The following HIPK2 variants were observed in gnomAD, a reference collection of about 807,000 sequenced individuals.
The protein encoded by HIPK2 is homeodomain interacting protein kinase 2, also known as homeodomain-interacting protein kinase 2.
In HIPK2, 27 loss-of-function variants were observed where a neutral mutation model predicts 113.7. The ratio of observed to expected loss-of-function variants is 0.24; its 90% confidence interval spans 0.17 to 0.33. HIPK2 has a LOEUF of 0.33. HIPK2 is among the 10% of genes least tolerant of loss of function. HIPK2 has a pLI of 1.00. For missense variants in HIPK2, 1,257 were observed against 1,588.0 expected (o/e 0.79, Z 3.54); for synonymous variants, 631 against 642.2 (o/e 0.98, Z 0.26).
intron 2 of HIPK2, among the ~76,000 whole-genome samples, chr7:139,646,083 G>A (rs761195352): frequency 6.6e-6 from 1 of 152,164 alleles, no homozygotes; most frequent in African/African-American, 2.4e-5. Flanking sequence ...ATACTAAGCT[G>A]GCTCTTTACA....
chr7:139,764,487 C>A (rs778149020), intron 1 of HIPK2, among the ~76,000 whole-genome samples: 1 of 152,154 alleles, frequency 6.6e-6, no homozygotes, highest in Non-Finnish European at 1.5e-5. Flanking sequence ...CTGATGTGAA[C>A]TACTGGGTGA....
chr7:139,772,726 T>TA (rs1285486664), intron 1 of HIPK2, among the ~76,000 whole-genome samples: 1 of 151,336 alleles, frequency 6.6e-6, no homozygotes, highest in Non-Finnish European at 1.5e-5. Context: ...TAGCTGGGAT[T>TA]ACAGGCACCA....
chr7:139,595,048 C>T (rs1286317555), intron 12 of HIPK2, among the ~76,000 whole-genome samples: 1 of 152,232 alleles, frequency 6.6e-6, no homozygotes, highest in East Asian at 1.9e-4. Context: ...CTCTCATCCT[C>T]CTTCTCAGAC....
chr7:139,749,565 T>G (rs1409006676), intron 1 of HIPK2, among the ~76,000 whole-genome samples: 1 of 152,236 alleles, frequency 6.6e-6, no homozygotes, highest in South Asian at 2.1e-4. Flanking sequence ...TGGCCATCAC[T>G]GTGTTAACTA....
intron 9 of HIPK2, among the ~76,000 whole-genome samples, chr7:139,610,818 A>T (rs916435496): frequency 1.3e-5 from 2 of 152,200 alleles, no homozygotes; most frequent in African/African-American, 4.8e-5. Context: ...TGCCCAGATG[A>T]ACCAGGTATG....
At position 139,713,536 on chromosome 7, in the gene HIPK2, C is replaced by A. The variant is rs182627220; in HGVS notation, c.1103+2396G>T. ...TTAAGAATCCCCAATTCAGCTTACT[C>A]GATTCACCAAGTTTCGCTCTAAGGA... On this transcript the variant is annotated intron_variant, in intron 2 of 14. Transcript: ENST00000406875. Among the ~76,000 whole-genome samples, 10 of 152,296 alleles carry A rather than the reference C, an allele frequency of 6.6e-5. No individual in the cohort carries two copies. In the East Asian group the frequency reaches 1.9e-3, roughly 29 times the overall value.
chr7:139,673,728 C>T (rs978035954), intron 2 of HIPK2, among the ~76,000 whole-genome samples: 1 of 151,806 alleles, frequency 6.6e-6, no homozygotes, highest in African/African-American at 2.4e-5. Context: ...CAGAGCAAAG[C>T]CCATTCCTAA....
At chr7:139,700,777 T>C (rs1165088861) in intron 2 of HIPK2, among the ~76,000 whole-genome samples, 5 of 152,074 alleles carry the variant, frequency 3.3e-5, no homozygotes, top group South Asian at 4.1e-4. Flanking sequence ...TCAAACGGGG[T>C]GTGCCCAGAA....
chr7:139,666,367 C>T (rs539408295), intron 2 of HIPK2, among the ~76,000 whole-genome samples: 56 of 152,302 alleles, frequency 3.7e-4, no homozygotes, highest in Middle Eastern at 6.8e-3. Context: ...GCCTTCGCCA[C>T]GAAAGCACAG....
At chr7:139,579,181 G>A (rs1430974756) in intron 13 of HIPK2, among the ~76,000 whole-genome samples, 1 of 152,232 alleles carries the variant, frequency 6.6e-6, no homozygotes, top group Non-Finnish European at 1.5e-5. Flanking sequence ...GTCCACATTT[G>A]AGGAAGGTGC....
At chr7:139,741,710 G>C (rs570858531) in intron 1 of HIPK2, among the ~76,000 whole-genome samples, 6 of 151,934 alleles carry the variant, frequency 3.9e-5, no homozygotes, top group Admixed American at 1.3e-4. Context: ...AATTTTCACA[G>C]GTAACTCCTC....
intron 13 of HIPK2, among the ~76,000 whole-genome samples, chr7:139,583,323 A>T (rs1281227945): frequency 1.3e-5 from 2 of 152,196 alleles, no homozygotes; most frequent in Non-Finnish European, 1.5e-5. Flanking sequence ...GCAGAGAAAC[A>T]CACATGGCTT....
chr7:139,586,718 C>T (rs1423022516), intron 12 of HIPK2, among the ~76,000 whole-genome samples: 5 of 151,736 alleles, frequency 3.3e-5, no homozygotes, highest in African/African-American at 1.2e-4. Flanking sequence ...ATGATCACAC[C>T]ACTGCACTCC....
Position 139,716,644 on chromosome 7 carries a change from G to A in HIPK2, c.391C>T (p.Leu131Phe). 3 of 1,613,974 alleles carry A rather than the reference G, an allele frequency of 1.9e-6. No individual in the cohort carries two copies. The highest frequency in any genetic ancestry group is 2.5e-6 in the Non-Finnish European group (3 of 1,179,888). The change falls in exon 2 of 15, where the codon CTC (leucine) becomes TTC (phenylalanine). Residue 131 changes from leucine (L) to phenylalanine (F), a missense_variant. By Grantham distance (22) the Leu-to-Phe change is conservative (BLOSUM62 0). Around this residue, in one of 5 missense-constraint regions of HIPK2, gnomAD observed 209 missense variants for 237.8 expected, o/e 0.88. Transcript: ENST00000406875. This position sits in a 1 kb window ranked among gnomAD's most constrained non-coding sequence, Gnocchi z 9.3. ...TCGATCTCCTCGCTCTTACGCTTGAGTCCACATTTTTGGTAGGTATCAAGG... is the reference window on the plus strand; with the variant it reads ...TCGATCTCCTCGCTCTTACGCTTGAATCCACATTTTTGGTAGGTATCAAGG... ...SLLDTYQKCG[L>F]KRKSEEIENT... is the part of the protein sequence containing the mutation.
At chr7:139,718,824 C>G (rs1009670505) in intron 1 of HIPK2, among the ~76,000 whole-genome samples, 1 of 152,252 alleles carries the variant, frequency 6.6e-6, no homozygotes, top group Non-Finnish European at 1.5e-5. Context: ...CGCATTCCCC[C>G]CTCTTAATTC....
At chr7:139,660,086 A>G (rs1437451727) in intron 2 of HIPK2, among the ~76,000 whole-genome samples, 1 of 152,244 alleles carries the variant, frequency 6.6e-6, no homozygotes, top group Admixed American at 6.5e-5. Flanking sequence ...ACTGGCTGGC[A>G]ATACACACTT....
intron 7 of HIPK2, among the ~76,000 whole-genome samples, chr7:139,616,073 C>A (rs944775364): frequency 1.3e-5 from 2 of 152,156 alleles, no homozygotes; most frequent in Non-Finnish European, 1.5e-5. Context: ...AGACTCCCCC[C>A]AGCCCTTAGC....
intron 7 of HIPK2, among the ~76,000 whole-genome samples, chr7:139,615,179 G>C (rs745483401): frequency 2.0e-5 from 3 of 152,240 alleles, no homozygotes; most frequent in Non-Finnish European, 2.9e-5. Flanking sequence ...ACATGCAACA[G>C]GCGGAGAGCA....
chr7:139,672,412 A>G (rs77298040), intron 2 of HIPK2, among the ~76,000 whole-genome samples: 5 of 152,238 alleles, frequency 3.3e-5, no homozygotes, highest in African/African-American at 1.2e-4. Flanking sequence ...TGTAAAAAAA[A>G]TGGTCAGTTT....
Sources: allele counts gnomAD v4.1 joint callset (sites outside exome capture counted in the v4.1 genomes callset), GRCh38; gene constraint gnomAD v4.1.1; regional missense constraint gnomAD v4.1.1; non-coding constraint Gnocchi (gnomAD v3.1); transcripts MANE v1.5; gene names NCBI Gene and HGNC (gene_info 2026-07-23, HGNC 2026-07-21).